SMIM13: variants seen among roughly 807,000 people sequenced by gnomAD.
SMIM13 encodes the protein small integral membrane protein 13, also known as UPF0766 protein C6orf228.
In SMIM13, 3 loss-of-function variants were observed where a neutral mutation model predicts 5.9. That is an observed-to-expected ratio of 0.51 (90% confidence interval 0.23 to 1.31). The LOEUF is 1.31. Ranked by LOEUF, SMIM13 falls within the 40% of genes most tolerant of loss-of-function variation. The probability of loss-of-function intolerance (pLI) is 0.18; values close to 1 mark genes in which losing one functional copy is unlikely to be tolerated. For synonymous variants in SMIM13, 55 were observed against 46.0 expected (o/e 1.19, Z -0.79); for missense variants, 85 against 109.9 (o/e 0.77, Z 1.01).
intron 1 of SMIM13, among the ~76,000 whole-genome samples, chr6:11,106,766 A>C (rs11754914): frequency 0.19 from 28,304 of 152,162 alleles, 2,967 homozygotes; most frequent in East Asian, 0.41. Context: ...GTTTCATTAG[A>C]GCCCCTTTGG....
rs1427027251 is a variant in SMIM13 at position 11,135,102 on chromosome 6, A to G, written c.*500A>G. ...GTATCAAATGTGTCAGGTTTAATTG[A>G]CATTTTAAAATGTCTTCAAAAAGAT... is the stretch of plus-strand genomic sequence containing the variant. On this transcript the variant is annotated 3_prime_UTR_variant, in exon 2 of 2. Transcript: ENST00000416247. 6.6e-6 allele frequency: 1 copy of G among 152,658 alleles called. No homozygotes were observed. Among genetic ancestry groups the G allele is most frequent in the Non-Finnish European group, 1.5e-5 (1 of 68,074 alleles). 9.5% of individuals were successfully genotyped at this position (152,658 alleles called of 1,614,324 possible).
At chr6:11,094,624 C>T (rs535767661) in intron 1 of SMIM13, among the ~76,000 whole-genome samples, 1 of 152,340 alleles carries the variant, frequency 6.6e-6, no homozygotes, top group African/African-American at 2.4e-5. Flanking sequence ...CTTCCTGCCT[C>T]TGAGTGAAAC....
chr6:11,130,261 A>ACAAC (rs897046855), intron 1 of SMIM13, among the ~76,000 whole-genome samples: 1 of 138,964 alleles, frequency 7.2e-6, no homozygotes, highest in African/African-American at 2.7e-5. Flanking sequence ...TGTAAAAAAA[A>ACAAC]AAAAAAAACA....
At chr6:11,110,767 C>T (rs1204623435) in intron 1 of SMIM13, among the ~76,000 whole-genome samples, 1 of 152,092 alleles carries the variant, frequency 6.6e-6, no homozygotes, top group Non-Finnish European at 1.5e-5. Flanking sequence ...GTTTATTTGC[C>T]CTCTTGATAT....
At chr6:11,108,784 C>T (rs1390591065) in intron 1 of SMIM13, among the ~76,000 whole-genome samples, 1 of 152,180 alleles carries the variant, frequency 6.6e-6, no homozygotes, top group African/African-American at 2.4e-5. Flanking sequence ...GGTGTTTCCT[C>T]CTAATATCTG....
At chr6:11,116,828 T>C (rs1345678036) in intron 1 of SMIM13, among the ~76,000 whole-genome samples, 1 of 152,104 alleles carries the variant, frequency 6.6e-6, no homozygotes, top group Admixed American at 6.5e-5. Context: ...ATATTCTGTT[T>C]CATTGGTTTA....
intron 1 of SMIM13, among the ~76,000 whole-genome samples, chr6:11,125,575 C>T (rs1758367118): frequency 6.6e-6 from 1 of 152,106 alleles, no homozygotes; most frequent in East Asian, 1.9e-4. Context: ...CAGACTCCAG[C>T]CTGGGTGACA....
rs1758505092 is a variant in SMIM13, at chr6:11,135,333, A to C, written c.*731A>C. 1 of 152,638 alleles carries C rather than the reference A, an allele frequency of 6.6e-6. No individual in the cohort carries two copies. Among genetic ancestry groups the C allele is most frequent in the Admixed American group, 6.5e-5 (1 of 15,276 alleles). 9.5% of individuals were successfully genotyped at this position (152,638 alleles called of 1,614,324 possible). ...GGTACCCACAAGTAGATGAAGCTGT[A>C]CTACGTTTCGTCAGTGAGACACGTG... On this transcript the variant is annotated 3_prime_UTR_variant, in exon 2 of 2. Transcript: ENST00000416247.
At chr6:11,125,271 G>A (rs553440562) in intron 1 of SMIM13, among the ~76,000 whole-genome samples, 9 of 144,860 alleles carry the variant, frequency 6.2e-5, no homozygotes, top group African/African-American at 2.1e-4. Flanking sequence ...CTCCAGTCTG[G>A]GCAACAGAGT....
At chr6:11,121,640 A>AG (rs1758311281) in intron 1 of SMIM13, among the ~76,000 whole-genome samples, 1 of 152,138 alleles carries the variant, frequency 6.6e-6, no homozygotes. Flanking sequence ...ATATCATGTA[A>AG]AGGGTGATGC....
At chr6:11,097,713 C>A (rs1757943674) in intron 1 of SMIM13, among the ~76,000 whole-genome samples, 1 of 151,630 alleles carries the variant, frequency 6.6e-6, no homozygotes, top group Admixed American at 6.6e-5. Flanking sequence ...TACAGTCACA[C>A]TGGGGGTTAG....
intron 1 of SMIM13, chr6:11,105,043 T>C: frequency 6.2e-7 from 1 of 1,614,198 alleles, no homozygotes; most frequent in Non-Finnish European, 8.5e-7. Context: ...AGAAGACTAT[T>C]TGCAGGCCTC....
At chr6:11,107,125 T>A (rs528395016) in intron 1 of SMIM13, among the ~76,000 whole-genome samples, 9 of 152,340 alleles carry the variant, frequency 5.9e-5, no homozygotes, top group South Asian at 2.1e-4. Context: ...GAAAACCGTA[T>A]GTCATGTGGA....
rs1312514081 is a variant in SMIM13 at position 11,136,100 on chromosome 6, A to ACTC, written c.*1498_*1499insCTC. 2.0e-5 allele frequency: 3 copies of ACTC among 152,292 alleles called. No individual in the cohort carries two copies. The East Asian group carries it at 5.8e-4, about 29-fold the overall frequency. The allele number at this position is 152,292 out of a possible 1,614,324, so 9.4% of individuals were successfully genotyped here. ...TATCTTCTACTTTAGGAAGAGTGGGATTAGTTACTCCCTTTGTATAGGAGG... is the reference window on the plus strand; with the variant it reads ...TATCTTCTACTTTAGGAAGAGTGGGACTCTTAGTTACTCCCTTTGTATAGGAGG... On this transcript the variant is annotated 3_prime_UTR_variant, in exon 2 of 2. Coordinates refer to ENST00000416247, the MANE Select transcript of SMIM13 (RefSeq NM_001135575.2).
At chr6:11,123,335 G>A (rs998128065) in intron 1 of SMIM13, among the ~76,000 whole-genome samples, 9 of 152,156 alleles carry the variant, frequency 5.9e-5, no homozygotes, top group South Asian at 2.1e-4. Context: ...GCTTCCTCCC[G>A]TGCTCTCTCA....
intron 1 of SMIM13, among the ~76,000 whole-genome samples, chr6:11,119,106 G>T (rs1758279007): frequency 6.6e-6 from 1 of 152,188 alleles, no homozygotes. Flanking sequence ...TATTAAAATA[G>T]AATCTATAGC....
intron 1 of SMIM13, among the ~76,000 whole-genome samples, chr6:11,096,398 G>GTGTGCTAGGGCTGGAGAGCCC (rs1296385746): frequency 1.3e-5 from 2 of 152,238 alleles, no homozygotes; most frequent in Non-Finnish European, 2.9e-5. Context: ...GGAGGGATCT[G>GTGTGCTAGGGCTGGAGAGCCC]TGTGCTAGGG....
chr6:11,110,074 C>T (rs1009001530), intron 1 of SMIM13, among the ~76,000 whole-genome samples: 2 of 152,124 alleles, frequency 1.3e-5, no homozygotes, highest in Non-Finnish European at 2.9e-5. Context: ...CACAATTACC[C>T]GTTTGTAAAG....
Position 11,131,771 on chromosome 6 carries a change from C to T in SMIM13, c.77-2632C>T, listed in dbSNP as rs570241059. Among the ~76,000 whole-genome samples, 8 of 152,164 alleles carry T rather than the reference C, an allele frequency of 5.3e-5. No individual in the cohort carries two copies. In the East Asian group the frequency reaches 1.5e-3, roughly 29 times the overall value. ...GACCCCTCTCTTATACCAAAATTAA[C>T]AAAACTGGATTGAAGACTTACATCT... On this transcript the variant is annotated intron_variant, in intron 1 of 1. Coordinates refer to ENST00000416247, the MANE Select transcript of SMIM13 (RefSeq NM_001135575.2).
Sources: gnomAD v4.1 joint callset for allele counts (sites outside exome capture counted in the v4.1 genomes callset) on GRCh38, gnomAD v4.1.1 for gene constraint, MANE v1.5 for transcripts, NCBI Gene and HGNC (gene_info 2026-07-23, HGNC 2026-07-21) for gene names.